MEIS1: variants seen among roughly 807,000 people sequenced by gnomAD.
MEIS1 encodes Meis homeobox 1.
In MEIS1, 5 loss-of-function variants were observed where a neutral mutation model predicts 50.8. The observed-to-expected ratio is 0.10, with a 90% CI of 0.05 to 0.21. The LOEUF (loss-of-function observed/expected upper bound fraction) is 0.21. Ranked by LOEUF, MEIS1 falls within the 10% of genes least tolerant of loss-of-function variation. The pLI is 1.00. For synonymous variants in MEIS1, 176 were observed against 179.3 expected (o/e 0.98, Z 0.15); for missense variants, 318 against 517.3 (o/e 0.61, Z 3.74).
intron 7 of MEIS1, among the ~76,000 whole-genome samples, chr2:66,477,603 G>C (rs962521935): frequency 6.6e-6 from 1 of 152,208 alleles, no homozygotes; most frequent in Admixed American, 6.5e-5. Flanking sequence ...GAGACCAGGG[G>C]CTGGGTGGAA....
chr2:66,487,631 A>G (rs1157150963), intron 7 of MEIS1, among the ~76,000 whole-genome samples: 1 of 152,066 alleles, frequency 6.6e-6, no homozygotes, highest in Non-Finnish European at 1.5e-5. Context: ...CATTCTGGGA[A>G]CTCCTGAGTG....
intron 6 of MEIS1, among the ~76,000 whole-genome samples, chr2:66,463,345 C>T (rs545686475): frequency 1.1e-4 from 17 of 152,178 alleles, no homozygotes; most frequent in Non-Finnish European, 2.2e-4. Context: ...GCACTAAAAG[C>T]TAATTAAAAT....
chr2:66,437,691 C>T, intron 1 of MEIS1, 46 bp from the exon 2 acceptor site: 1 of 1,584,538 alleles, frequency 6.3e-7, no homozygotes, highest in Non-Finnish European at 8.6e-7. Context: ...CTCCCATTTG[C>T]CCGCCTGGCC....
chr2:66,555,648 C>T (rs932256985), intron 9 of MEIS1, among the ~76,000 whole-genome samples: 2 of 152,084 alleles, frequency 1.3e-5, no homozygotes, highest in African/African-American at 4.8e-5. Context: ...CAGACCTGAT[C>T]TCCACCTATT....
chr2:66,547,877 CTT>C, intron 8 of MEIS1, 64 bp from the exon 9 acceptor site: 2 of 1,489,484 alleles, frequency 1.3e-6, no homozygotes, highest in Non-Finnish European at 1.9e-6. Context: ...TCATGAGACA[CTT>C]AGGCTATTGA....
At chr2:66,520,480 CA>C (rs113847646) in intron 8 of MEIS1, among the ~76,000 whole-genome samples, 51 of 130,790 alleles carry the variant, frequency 3.9e-4, no homozygotes, top group South Asian at 4.9e-4. Flanking sequence ...GACTCCGTCT[CA>C]AAAAAAAAAA....
intron 9 of MEIS1, among the ~76,000 whole-genome samples, chr2:66,559,751 C>G (rs1675165845): frequency 6.6e-6 from 1 of 152,086 alleles, no homozygotes; most frequent in African/African-American, 2.4e-5. Flanking sequence ...GTTATACAAA[C>G]TCAAATTTGG....
chr2:66,439,197 T>C (rs1484063353), intron 2 of MEIS1: 2 of 855,122 alleles, frequency 2.3e-6, no homozygotes, highest in Non-Finnish European at 2.8e-6. Flanking sequence ...GCAGGAACAT[T>C]TGAAGGAACT....
chr2:66,500,128 G>C (rs961672952), intron 7 of MEIS1, among the ~76,000 whole-genome samples: 6 of 152,180 alleles, frequency 3.9e-5, no homozygotes, highest in Non-Finnish European at 5.9e-5. Flanking sequence ...AAATGTAACT[G>C]TTCTTCAATT....
chr2:66,481,854 T>TC (rs1673023227), intron 7 of MEIS1, among the ~76,000 whole-genome samples: 1 of 143,782 alleles, frequency 7.0e-6, no homozygotes, highest in Admixed American at 6.9e-5. Flanking sequence ...ATATTTCTTT[T>TC]TTTTTTTTTT....
intron 7 of MEIS1, among the ~76,000 whole-genome samples, chr2:66,498,440 A>C (rs1265142643): frequency 1.3e-5 from 2 of 152,148 alleles, no homozygotes; most frequent in African/African-American, 4.8e-5. Flanking sequence ...CAAGAAGCTA[A>C]GCTATTCTCT....
At chr2:66,517,701 G>A (rs1473556561) in intron 8 of MEIS1, among the ~76,000 whole-genome samples, 1 of 152,140 alleles carries the variant, frequency 6.6e-6, no homozygotes, top group Non-Finnish European at 1.5e-5. Context: ...AGTCTGGGGA[G>A]GGAAATGGAG....
rs1568319 is a variant in MEIS1, at chr2:66,435,542, T to C, written c.-315T>C. On this transcript the variant is annotated 5_prime_UTR_variant, in exon 1 of 13. Coordinates refer to ENST00000272369, the MANE Select transcript of MEIS1 (RefSeq NM_002398.3). ...GTCTGAGGGGCGCTCTTTTTTTTCCTTTTCTTTCTTTCTTTCTTTTTTTTT... is the reference window on the plus strand; with the variant it reads ...GTCTGAGGGGCGCTCTTTTTTTTCCCTTTCTTTCTTTCTTTCTTTTTTTTT... 2.6e-6 allele frequency: 1 copy of C among 378,552 alleles called. No individual in the cohort carries two copies. Among genetic ancestry groups the C allele is most frequent in the Non-Finnish European group, 4.6e-6 (1 of 216,860 alleles). 23.4% of individuals were successfully genotyped at this position (378,552 alleles called of 1,614,324 possible).
At chr2:66,469,838 G>A (rs140670596) in intron 7 of MEIS1, among the ~76,000 whole-genome samples, 2 of 151,984 alleles carry the variant, frequency 1.3e-5, no homozygotes, top group African/African-American at 2.4e-5. Context: ...CTACCGTAGC[G>A]ACTCAGGTTC....
intron 9 of MEIS1, among the ~76,000 whole-genome samples, chr2:66,560,887 G>C (rs1365846063): frequency 2.0e-5 from 3 of 152,102 alleles, no homozygotes; most frequent in Non-Finnish European, 4.4e-5. Flanking sequence ...TGCAATCTTG[G>C]AACTGTTGGA....
At position 66,571,267 on chromosome 2, in the gene MEIS1, A is replaced by C. The variant is rs1359397047; in HGVS notation, c.*59A>C. ...ACAGGGCTGCAAAGTATGCCAGGGG[A>C]GTATGTAGCCCGGGGTGGTCCAATG... is the stretch of plus-strand genomic sequence containing the variant. On this transcript the variant is annotated 3_prime_UTR_variant, in exon 13 of 13. Transcript: ENST00000272369. 2 of 1,591,764 alleles carry C rather than the reference A, an allele frequency of 1.3e-6. No homozygotes were observed. Among genetic ancestry groups the C allele is most frequent in the Non-Finnish European group, 1.7e-6 (2 of 1,169,358 alleles).
chr2:66,477,442 G>A (rs566549656), intron 7 of MEIS1, among the ~76,000 whole-genome samples: 81 of 152,318 alleles, frequency 5.3e-4, no homozygotes, highest in Middle Eastern at 3.4e-3. Flanking sequence ...GGGAGAAAAT[G>A]CAGCTGGTCA....
chr2:66,463,230 T>A (rs1672560748), intron 6 of MEIS1, among the ~76,000 whole-genome samples: 1 of 151,608 alleles, frequency 6.6e-6, no homozygotes, highest in South Asian at 2.1e-4. Context: ...CCACTAATAA[T>A]CTTGAAGATA....
At chr2:66,442,005 T>A (rs931252014) in intron 5 of MEIS1, among the ~76,000 whole-genome samples, 1 of 151,738 alleles carries the variant, frequency 6.6e-6, no homozygotes, top group African/African-American at 2.4e-5. Context: ...CAAAGCAGAG[T>A]TGATAGTTGT....
Sources: gnomAD v4.1 joint callset for allele counts (sites outside exome capture counted in the v4.1 genomes callset) on GRCh38, gnomAD v4.1.1 for gene constraint, MANE v1.5 for transcripts, NCBI Gene and HGNC (gene_info 2026-07-23, HGNC 2026-07-21) for gene names.